Variants in GRM7 observed in about 807,000 individuals in gnomAD.
GRM7 encodes the protein glutamate metabotropic receptor 7.
GRM7 carries 35 observed loss-of-function variants against 84.5 expected under a neutral mutation model. That is an observed-to-expected ratio of 0.41 (90% CI 0.32 to 0.55). The LOEUF (loss-of-function observed/expected upper bound fraction) is 0.55. Among genes scored for constraint, GRM7 ranks in the 20% least tolerant of loss-of-function variants. GRM7 has a pLI of 0.19. For synonymous variants in GRM7, 487 were observed against 455.1 expected, an observed-to-expected ratio of 1.07 and a Z score of -0.89; for missense variants, 1,003 against 1,194.6, an observed-to-expected ratio of 0.84 and a Z score of 2.36.
At chr3:7,275,422 G>C (rs976537573) in intron 2 of GRM7, among the ~76,000 whole-genome samples, 2 of 152,120 alleles carry the variant, frequency 1.3e-5, no homozygotes, top group African/African-American at 4.8e-5. Context: ...ATGTTGGTAA[G>C]GTGTGAGGGG....
chr3:7,390,686 T>C (rs977505242), intron 4 of GRM7, among the ~76,000 whole-genome samples: 14 of 152,186 alleles, frequency 9.2e-5, no homozygotes, highest in African/African-American at 3.1e-4. Flanking sequence ...GTAGTGAATT[T>C]TTTAATTCCA....
At chr3:7,358,240 T>C (rs1158136305) in intron 4 of GRM7, among the ~76,000 whole-genome samples, 1 of 152,084 alleles carries the variant, frequency 6.6e-6, no homozygotes, top group Non-Finnish European at 1.5e-5. Context: ...GAAATTATGA[T>C]TGTAGAGTCC....
chr3:7,321,346 G>A (rs960582655), intron 4 of GRM7, among the ~76,000 whole-genome samples: 1 of 151,964 alleles, frequency 6.6e-6, no homozygotes, highest in Non-Finnish European at 1.5e-5. Context: ...CCTATGTGTA[G>A]GCATGGCATT....
At chr3:6,977,668 C>A (rs1485753397) in intron 1 of GRM7, among the ~76,000 whole-genome samples, 2 of 152,038 alleles carry the variant, frequency 1.3e-5, no homozygotes, top group African/African-American at 4.8e-5. Flanking sequence ...TGGATCAGTA[C>A]CTTGCTGGAT....
At chr3:7,012,960 G>C (rs1391302889) in intron 1 of GRM7, among the ~76,000 whole-genome samples, 1 of 151,918 alleles carries the variant, frequency 6.6e-6, no homozygotes, top group Non-Finnish European at 1.5e-5. Flanking sequence ...GGCTGGTCTC[G>C]AACTTCTGGC....
chr3:7,600,197 T>TA (rs1477883519), intron 8 of GRM7, among the ~76,000 whole-genome samples: 1 of 152,108 alleles, frequency 6.6e-6, no homozygotes, highest in Non-Finnish European at 1.5e-5. Context: ...GGTGGTTACT[T>TA]AAAAATCAAT....
intron 7 of GRM7, among the ~76,000 whole-genome samples, chr3:7,511,320 T>TA (rs1216175824): frequency 2.6e-5 from 4 of 151,986 alleles, no homozygotes; most frequent in African/African-American, 9.7e-5. Context: ...GATGCCAAGT[T>TA]AAAATCACAC....
intron 4 of GRM7, among the ~76,000 whole-genome samples, chr3:7,308,934 A>T (rs1700293889): frequency 6.6e-6 from 1 of 152,252 alleles, no homozygotes; most frequent in Non-Finnish European, 1.5e-5. Flanking sequence ...ATACAAATTT[A>T]CAAAATCAGA....
chr3:6,879,206 C>T (rs985176424), intron 1 of GRM7, among the ~76,000 whole-genome samples: 1 of 152,144 alleles, frequency 6.6e-6, no homozygotes, highest in African/African-American at 2.4e-5. Context: ...GTCATACAAC[C>T]AGTAAGTAGT....
chr3:7,543,615 C>T (rs1054253536), intron 7 of GRM7, among the ~76,000 whole-genome samples: 5 of 152,306 alleles, frequency 3.3e-5, no homozygotes, highest in Admixed American at 1.3e-4. Flanking sequence ...AGTGAAAAGA[C>T]GGCAGTCCAT....
chr3:7,146,358 C>A, intron 1 of GRM7, 94 bp from the exon 2 acceptor site: 1 of 996,286 alleles, frequency 1.0e-6, no homozygotes. Flanking sequence ...CTTTGCAGCT[C>A]AAACCCTGTA....
intron 1 of GRM7, among the ~76,000 whole-genome samples, chr3:6,880,234 CT>C (rs1212974940): frequency 6.6e-5 from 10 of 152,136 alleles, no homozygotes; most frequent in African/African-American, 2.2e-4. Context: ...CCAAATTCTA[CT>C]TTATTTTATG....
At chr3:7,469,466 G>A (rs1027427944) in intron 7 of GRM7, among the ~76,000 whole-genome samples, 2 of 152,130 alleles carry the variant, frequency 1.3e-5, no homozygotes. Context: ...AGAGCATGAG[G>A]TGAAATTGCT....
chr3:7,174,932 C>G (rs1695096372), intron 2 of GRM7, among the ~76,000 whole-genome samples: 2 of 152,124 alleles, frequency 1.3e-5, no homozygotes, highest in Non-Finnish European at 2.9e-5. Context: ...ATGACAATAG[C>G]AGCTAATATA....
intron 7 of GRM7, among the ~76,000 whole-genome samples, chr3:7,556,744 G>T (rs1693781726): frequency 2.6e-5 from 4 of 152,142 alleles, no homozygotes; most frequent in African/African-American, 9.6e-5. Flanking sequence ...TTGACAATGA[G>T]ACTCCATTTT....
intron 1 of GRM7, among the ~76,000 whole-genome samples, chr3:6,948,453 C>T (rs966085287): frequency 5.3e-5 from 8 of 152,118 alleles, no homozygotes; most frequent in African/African-American, 1.7e-4. Flanking sequence ...TTTACATTTG[C>T]TGAGGAGTGC....
intron 4 of GRM7, among the ~76,000 whole-genome samples, chr3:7,394,549 T>C (rs1012783877): frequency 6.6e-6 from 1 of 152,218 alleles, no homozygotes; most frequent in African/African-American, 2.4e-5. Flanking sequence ...TATACAAATA[T>C]ATAGAAATTT....
At chr3:7,325,621 C>T (rs1700953876) in intron 4 of GRM7, among the ~76,000 whole-genome samples, 1 of 152,124 alleles carries the variant, frequency 6.6e-6, no homozygotes, top group African/African-American at 2.4e-5. Flanking sequence ...GAAAGGAGAC[C>T]AGCGGAGTAC....
At chr3:6,919,664 A>G (rs1453602207) in intron 1 of GRM7, among the ~76,000 whole-genome samples, 1 of 151,882 alleles carries the variant, frequency 6.6e-6, no homozygotes, top group African/African-American at 2.4e-5. Context: ...TTGATTTCAA[A>G]TATAAGATCA....
Sources: gnomAD v4.1 joint callset for allele counts (sites outside exome capture counted in the v4.1 genomes callset) on GRCh38, gnomAD v4.1.1 for gene constraint, MANE v1.5 for transcripts, NCBI Gene and HGNC (gene_info 2026-07-23, HGNC 2026-07-21) for gene names.